Variants in PTCD3 observed in about 807,000 individuals in gnomAD.
PTCD3 encodes small ribosomal subunit protein mS39.
A neutral mutation model predicts 101.9 loss-of-function variants in PTCD3; 89 were observed. The observed-to-expected ratio is 0.87, with a 90% CI of 0.74 to 1.04. The LOEUF (loss-of-function observed/expected upper bound fraction) is 1.04, where lower values mean the gene tolerates loss of function less well. Among genes scored for constraint, PTCD3 ranks in the 50% least tolerant of loss-of-function variants. PTCD3 has a pLI of 0.00. For missense variants in PTCD3, 870 were observed against 828.2 expected, an observed-to-expected ratio of 1.05 and a Z score of -0.62; for synonymous variants, 296 against 278.5, an observed-to-expected ratio of 1.06 and a Z score of -0.63.
rs201746327 is a variant in PTCD3, at chr2:86,125,432, A to T, written c.805-23A>T. On this transcript the variant is annotated intron_variant, in intron 10 of 23. Coordinates refer to ENST00000254630, the MANE Select transcript of PTCD3 (RefSeq NM_017952.6). ...ACTTCTTAAGTAAATGAATTTGATG[A>T]TGCTTAATTTTTCCTTTTCCAGCAC... 1,892 of 1,602,664 alleles carry T rather than the reference A, an allele frequency of 1.2e-3. 1 individual carries two copies. Among genetic ancestry groups the T allele is most frequent in the Non-Finnish European group, 1.5e-3 (1,721 of 1,169,762 alleles).
rs776239960 is a variant in PTCD3, at chr2:86,108,374, C to T, written c.129C>T (p.Leu43=). The T allele has an allele frequency of 6.2e-7, 1 of 1,609,078 alleles. No homozygotes were observed. Among genetic ancestry groups the T allele is most frequent in the Admixed American group, 1.7e-5 (1 of 59,010 alleles). Reference sequence around the variant, plus strand: ...GATTTTATTCTGGTAGTGCAACCCTCTCAAAGGTTGAAGGAACTGATGTAA... The same window carrying T: ...GATTTTATTCTGGTAGTGCAACCCTTTCAAAGGTTGAAGGAACTGATGTAA... ...SCRFYSGSAT[L]SKVEGTDVTG... The change falls in exon 2 of 24, where the codon CTC becomes CTT. Residue 43 remains leucine (L), a synonymous_variant. Transcript: ENST00000254630.
chr2:86,132,503 C>A, intron 17 of PTCD3, 79 bp downstream of exon 17: 1 of 962,354 alleles, frequency 1.0e-6, no homozygotes, highest in Non-Finnish European at 1.6e-6. Context: ...CCCTTCATAC[C>A]TCACCTCTGG....
At chr2:86,114,182 A>T (rs1674139051) in intron 4 of PTCD3, among the ~76,000 whole-genome samples, 2 of 152,246 alleles carry the variant, frequency 1.3e-5, no homozygotes, top group South Asian at 4.1e-4. Flanking sequence ...ACTGTGCTGG[A>T]TATAGAATTA....
At chr2:86,130,786 G>A (rs201562310) in intron 15 of PTCD3, 49 bp downstream of exon 15, 42 of 1,601,446 alleles carry the variant, frequency 2.6e-5, no homozygotes, top group Middle Eastern at 3.4e-4. Flanking sequence ...ACAGAGGGCC[G>A]GTTTACCTGA....
chr2:86,125,886 G>A lies in PTCD3; in HGVS notation c.951+6G>A, dbSNP rs777773320. On this transcript the variant is annotated splice_donor_region_variant and intron_variant, in intron 12 of 23. Transcript: ENST00000254630. ...AAAAATGGAGTAAAATACTGGTAAGGAGGAATCCTCAGTTTATTTTTTAAT... is the reference window on the plus strand; with the variant it reads ...AAAAATGGAGTAAAATACTGGTAAGAAGGAATCCTCAGTTTATTTTTTAAT... The A allele has an allele frequency of 1.9e-6, 3 of 1,570,446 alleles. No individual in the cohort carries two copies. The highest frequency in any genetic ancestry group is 1.8e-6 in the Non-Finnish European group (2 of 1,141,428).
At chr2:86,127,614 T>C in intron 13 of PTCD3, 1 of 461,764 alleles carries the variant, frequency 2.2e-6, no homozygotes, top group East Asian at 3.9e-5. Flanking sequence ...TGAACCTAAG[T>C]GTGTGCTAGT....
At chr2:86,114,216 G>A (rs563362609) in intron 4 of PTCD3, among the ~76,000 whole-genome samples, 3 of 152,284 alleles carry the variant, frequency 2.0e-5, no homozygotes, top group East Asian at 3.9e-4. Flanking sequence ...TGTAGTTCTA[G>A]AGGGGAAGAC....
intron 4 of PTCD3, among the ~76,000 whole-genome samples, chr2:86,114,919 C>T (rs1053726223): frequency 6.6e-6 from 1 of 152,234 alleles, no homozygotes; most frequent in Non-Finnish European, 1.5e-5. Context: ...ATTCCTCCAT[C>T]AGTGACTTGT....
At chr2:86,108,886 CTT>C in intron 3 of PTCD3, 1 of 202,236 alleles carries the variant, frequency 4.9e-6, no homozygotes. Context: ...CAGTTACTGT[CTT>C]TATTATCTCT....
Position 86,108,331 on chromosome 2 carries a change from G to C in PTCD3, c.105-19G>C. 1 of 1,606,094 alleles carries C rather than the reference G, an allele frequency of 6.2e-7. No homozygotes were observed. Among genetic ancestry groups the C allele is most frequent in the Non-Finnish European group, 8.5e-7 (1 of 1,177,660 alleles). Reference sequence around the variant, plus strand: ...CTTCATTAATGACTATTAGATTTAAGGCTTTTGTTTTTTTGCAGATTTTAT... The same window carrying C: ...CTTCATTAATGACTATTAGATTTAACGCTTTTGTTTTTTTGCAGATTTTAT... On this transcript the variant is annotated intron_variant, in intron 1 of 23. Coordinates refer to ENST00000254630, the MANE Select transcript of PTCD3 (RefSeq NM_017952.6).
In PTCD3 at chr2:86,137,124, A is replaced by G. The variant is rs768066297; in HGVS notation, c.1963A>G (p.Ile655Val). 2 of 1,589,610 alleles carry G rather than the reference A, an allele frequency of 1.3e-6. No individual in the cohort carries two copies. Among genetic ancestry groups the G allele is most frequent in the Middle Eastern group, 1.7e-4 (1 of 5,950 alleles). Residue 655 changes from isoleucine to valine, a missense_variant, in exon 23 of 24, where the codon ATC becomes GTC. Ile to Val is a conservative substitution (Grantham distance 29, BLOSUM62 3). Transcript: ENST00000254630. Reference protein sequence around the residue: ...LTQRVMSDFAINQEQKEALSN... With the variant: ...LTQRVMSDFAVNQEQKEALSN... ...CCAGAGAGTAATGAGTGATTTTGCA[A>G]TCAACCAGGAACAAAAGTAAGTGGT...
At chr2:86,130,049 C>T (rs1291486765) in intron 14 of PTCD3, among the ~76,000 whole-genome samples, 1 of 152,166 alleles carries the variant, frequency 6.6e-6, no homozygotes, top group Admixed American at 6.5e-5. Flanking sequence ...TGCCTGTAGT[C>T]CCAGCACTTT....
chr2:86,110,550 G>T lies in PTCD3; in HGVS notation c.195-563G>T, dbSNP rs569061170. ...ATAGTTCAGTAAAGGTCTCTACTCAGAGGTGCAGTGGACAGCTGGCCTGCA... is the reference window on the plus strand; with the variant it reads ...ATAGTTCAGTAAAGGTCTCTACTCATAGGTGCAGTGGACAGCTGGCCTGCA... On this transcript the variant is annotated intron_variant, in intron 3 of 23. Transcript: ENST00000254630. Among the ~76,000 whole-genome samples, 5 of 152,322 alleles carry T rather than the reference G, an allele frequency of 3.3e-5. No homozygotes were observed. In the East Asian group the frequency reaches 9.6e-4, roughly 29 times the overall value.
rs762755973 is a variant in PTCD3, at chr2:86,134,339, A to T, written c.1591A>T (p.Ile531Phe). Residue 531 changes from isoleucine (I) to phenylalanine (F), a missense_variant, in exon 20 of 24, where the codon ATC (isoleucine) becomes TTC (phenylalanine). Ile to Phe is a conservative substitution (Grantham distance 21). Coordinates refer to ENST00000254630, the MANE Select transcript of PTCD3 (RefSeq NM_017952.6). Reference protein sequence around the residue: ...HTFRSDLREEILMLMARDKHP... With the variant: ...HTFRSDLREEFLMLMARDKHP... ...TTTCCGCAGTGACCTGAGAGAAGAG[A>T]TCCTGATGCTCATGGCAAGGGACAA... is the stretch of plus-strand genomic sequence containing the variant. 21 of 1,613,704 alleles carry T rather than the reference A, an allele frequency of 1.3e-5. No homozygotes were observed. The highest frequency in any genetic ancestry group is 1.8e-5 in the Non-Finnish European group (21 of 1,179,608).
intron 10 of PTCD3, 85 bp from the exon 11 acceptor site, chr2:86,125,370 G>A (rs940616491): frequency 2.2e-6 from 3 of 1,388,138 alleles, no homozygotes; most frequent in African/African-American, 1.4e-5. Context: ...TTGAGCCTGA[G>A]CTATATTACC....
At chr2:86,133,964 G>A (rs1201704825) in intron 19 of PTCD3, among the ~76,000 whole-genome samples, 1 of 152,126 alleles carries the variant, frequency 6.6e-6, no homozygotes, top group Non-Finnish European at 1.5e-5. Flanking sequence ...CTCTAGTCCC[G>A]CCCTCCTGCT....
In PTCD3 at chr2:86,133,358, CA is replaced by C; in HGVS notation, c.1466del (p.His489ProfsTer5). ...EDLIPSAYFP[H>X]SQTMIHLLQA... ...TTCTCTTAATCAGGCCTACTTTCCCCACTCCCAAACAATGATACATCTTCTC... is the reference window on the plus strand; with the variant it reads ...TTCTCTTAATCAGGCCTACTTTCCCCCTCCCAAACAATGATACATCTTCTC... On this transcript the variant is annotated frameshift_variant, in exon 19 of 24. Coordinates refer to ENST00000254630, the MANE Select transcript of PTCD3 (RefSeq NM_017952.6). LOFTEE classifies it high-confidence loss of function. 6.2e-7 allele frequency: 1 copy of C among 1,614,112 alleles called. No homozygotes were observed. Among genetic ancestry groups the C allele is most frequent in the Non-Finnish European group, 8.5e-7 (1 of 1,179,978 alleles).
At chr2:86,130,179 A>G (rs1267282648) in intron 14 of PTCD3, among the ~76,000 whole-genome samples, 4 of 152,154 alleles carry the variant, frequency 2.6e-5, no homozygotes. Flanking sequence ...CGAGGGCGTT[A>G]GTCCCAGCTG....
At chr2:86,113,784 G>A (rs1259968360) in intron 4 of PTCD3, among the ~76,000 whole-genome samples, 2 of 152,060 alleles carry the variant, frequency 1.3e-5, no homozygotes, top group Non-Finnish European at 2.9e-5. Flanking sequence ...GTACTCCACA[G>A]AGTGAGACCC....
Sources: gnomAD v4.1 joint callset for allele counts (sites outside exome capture counted in the v4.1 genomes callset) on GRCh38, gnomAD v4.1.1 for gene constraint, MANE v1.5 for transcripts, NCBI Gene and HGNC (gene_info 2026-07-23, HGNC 2026-07-21) for gene names.